PALM2AKAP2: variants seen among roughly 807,000 people sequenced by gnomAD.
PALM2AKAP2 encodes PALM2-AKAP2 fusion protein.
PALM2AKAP2 carries 37 observed loss-of-function variants against 71.5 expected under a neutral mutation model. The observed-to-expected ratio is 0.52, with a 90% CI of 0.40 to 0.68. PALM2AKAP2 has a LOEUF of 0.68. Ranked by LOEUF, PALM2AKAP2 falls within the 30% of genes least tolerant of loss-of-function variation. PALM2AKAP2 has a pLI of 0.00. For missense variants in PALM2AKAP2, 1,224 were observed against 1,191.8 expected (o/e 1.03, Z -0.40); for synonymous variants, 468 against 478.8 (o/e 0.98, Z 0.29).
At chr9:109,667,747 G>T (rs910975710) in intron 1 of PALM2AKAP2, among the ~76,000 whole-genome samples, 2 of 151,994 alleles carry the variant, frequency 1.3e-5, no homozygotes, top group African/African-American at 4.8e-5. Flanking sequence ...GAGCCAAGAT[G>T]TTGCCACTGC....
intron 1 of PALM2AKAP2, among the ~76,000 whole-genome samples, chr9:109,716,651 A>G (rs1171264320): frequency 6.6e-6 from 1 of 152,140 alleles, no homozygotes; most frequent in Non-Finnish European, 1.5e-5. Context: ...GGATAGGGGG[A>G]AGGAATATTT....
At chr9:109,738,419 T>C (rs1280421401) in intron 1 of PALM2AKAP2, among the ~76,000 whole-genome samples, 2 of 152,232 alleles carry the variant, frequency 1.3e-5, no homozygotes, top group Non-Finnish European at 2.9e-5. Context: ...CATAGAATAA[T>C]GATTGTTTAG....
intron 6 of PALM2AKAP2, chr9:109,944,265 A>C (rs533772990): frequency 1.6e-4 from 24 of 152,196 alleles, no homozygotes; most frequent in African/African-American, 2.9e-4. Context: ...CTCTTAAAAA[A>C]ATGTAAATTT....
chr9:109,786,578 T>A (rs937683280), intron 1 of PALM2AKAP2, among the ~76,000 whole-genome samples: 1 of 152,148 alleles, frequency 6.6e-6, no homozygotes, highest in African/African-American at 2.4e-5. Flanking sequence ...CTTGGCTGAG[T>A]CTGTGAAGCT....
At chr9:109,737,793 C>A (rs1828659002) in intron 1 of PALM2AKAP2, among the ~76,000 whole-genome samples, 1 of 152,320 alleles carries the variant, frequency 6.6e-6, no homozygotes, top group Non-Finnish European at 1.5e-5. Context: ...TTTCAAAGAA[C>A]CAAATTAAAG....
chr9:109,774,616 A>G (rs946082038), intron 1 of PALM2AKAP2, among the ~76,000 whole-genome samples: 1 of 152,152 alleles, frequency 6.6e-6, no homozygotes, highest in Admixed American at 6.5e-5. Context: ...GAAAATGAGA[A>G]GTACTGACTA....
At chr9:109,756,731 T>A (rs1008487678) in intron 1 of PALM2AKAP2, among the ~76,000 whole-genome samples, 1 of 152,188 alleles carries the variant, frequency 6.6e-6, no homozygotes, top group Non-Finnish European at 1.5e-5. Flanking sequence ...GGATATCCCA[T>A]TATTTCACCA....
intron 6 of PALM2AKAP2, among the ~76,000 whole-genome samples, chr9:110,012,585 A>G (rs190413592): frequency 6.6e-6 from 1 of 152,356 alleles, no homozygotes; most frequent in Admixed American, 6.5e-5. Flanking sequence ...TCACATTTTT[A>G]AATTAAAATG....
At chr9:109,733,688 T>A (rs10980020) in intron 1 of PALM2AKAP2, among the ~76,000 whole-genome samples, 20,372 of 152,218 alleles carry the variant, frequency 0.13, 1,641 homozygotes, top group East Asian at 0.36. Context: ...TCTCTCTAAA[T>A]GTAATTTTTC....
At chr9:109,722,380 G>A (rs1240997711) in intron 1 of PALM2AKAP2, among the ~76,000 whole-genome samples, 2 of 152,190 alleles carry the variant, frequency 1.3e-5, no homozygotes, top group Non-Finnish European at 2.9e-5. Flanking sequence ...GGAGTGGAGA[G>A]TTGGGTAACT....
intron 3 of PALM2AKAP2, among the ~76,000 whole-genome samples, chr9:110,167,049 G>C (rs1836753485): frequency 1.3e-5 from 2 of 152,228 alleles, no homozygotes; most frequent in Non-Finnish European, 2.9e-5. Flanking sequence ...AGGCAAGACA[G>C]TGTGTGCAGG....
chr9:109,867,563 C>G, exon 2 of PALM2AKAP2: 1 of 1,612,696 alleles, frequency 6.2e-7, no homozygotes, highest in Non-Finnish European at 8.5e-7. Flanking sequence ...TCTGCTGCAG[C>G]ATTCCAAGGT....
intron 1 of PALM2AKAP2, among the ~76,000 whole-genome samples, chr9:110,108,177 G>T (rs796730047): frequency 1.2e-4 from 17 of 147,810 alleles, no homozygotes; most frequent in African/African-American, 4.0e-4. Flanking sequence ...GTGCAATGGC[G>T]CAATCTTGGC....
chr9:109,876,826 G>C (rs1331799376), intron 2 of PALM2AKAP2, among the ~76,000 whole-genome samples: 4 of 152,070 alleles, frequency 2.6e-5, no homozygotes, highest in Admixed American at 6.5e-5. Flanking sequence ...GGCTCCTCCT[G>C]TTGGGATGTT....
intron 2 of PALM2AKAP2, among the ~76,000 whole-genome samples, chr9:109,869,574 G>A (rs1267070097): frequency 2.0e-5 from 3 of 150,944 alleles, no homozygotes; most frequent in Non-Finnish European, 4.4e-5. Flanking sequence ...TCCTGACATT[G>A]TGATCCACCC....
At chr9:110,026,958 G>A (rs959314641) in intron 7 of PALM2AKAP2, among the ~76,000 whole-genome samples, 7 of 152,040 alleles carry the variant, frequency 4.6e-5, no homozygotes, top group Admixed American at 2.0e-4. Context: ...CACGAGAATC[G>A]CTTGAACCCA....
intron 1 of PALM2AKAP2, among the ~76,000 whole-genome samples, chr9:110,072,538 T>A (rs1279225770): frequency 6.6e-6 from 1 of 152,222 alleles, no homozygotes; most frequent in Non-Finnish European, 1.5e-5. Context: ...CTGAGAATTG[T>A]GCTAAGGATT....
chr9:110,058,412 A>G (rs545631466), intron 1 of PALM2AKAP2, among the ~76,000 whole-genome samples: 47 of 152,286 alleles, frequency 3.1e-4, no homozygotes, highest in Admixed American at 1.2e-3. Context: ...ACAAGGCAAC[A>G]TTCCCTCCCA....
chr9:109,764,645 C>T (rs1468207602), intron 1 of PALM2AKAP2, among the ~76,000 whole-genome samples: 1 of 152,128 alleles, frequency 6.6e-6, no homozygotes, highest in Non-Finnish European at 1.5e-5. Flanking sequence ...GAGAGTTGCA[C>T]CTTATTCAAC....
Sources: allele counts gnomAD v4.1 joint callset (sites outside exome capture counted in the v4.1 genomes callset), GRCh38; gene constraint gnomAD v4.1.1; transcripts MANE v1.5; gene names NCBI Gene and HGNC (gene_info 2026-07-23, HGNC 2026-07-21).